CSMD1: variants seen among roughly 807,000 people sequenced by gnomAD.
CSMD1 encodes CUB and Sushi multiple domains 1.
In CSMD1, 213 loss-of-function variants were observed where a neutral mutation model predicts 417.5. The observed-to-expected ratio is 0.51, with a 90% CI of 0.46 to 0.57. The LOEUF (loss-of-function observed/expected upper bound fraction) is 0.57. Among genes scored for constraint, CSMD1 ranks in the 20% least tolerant of loss-of-function variants. The pLI, the probability that CSMD1 is intolerant of heterozygous loss-of-function variation, is 0.00. For synonymous variants in CSMD1, 2,862 were observed against 1,736.8 expected, an observed-to-expected ratio of 1.65 and a Z score of -16.11; for missense variants, 6,923 against 4,529.7, an observed-to-expected ratio of 1.53 and a Z score of -15.17.
intron 5 of CSMD1, among the ~76,000 whole-genome samples, chr8:3,868,621 G>T (rs2129110617): frequency 6.6e-6 from 1 of 152,266 alleles, no homozygotes; most frequent in South Asian, 2.1e-4. Context: ...AACCTCACAT[G>T]CATATAAACA....
chr8:3,502,555 T>C (rs1239103646), intron 10 of CSMD1, among the ~76,000 whole-genome samples: 1 of 151,986 alleles, frequency 6.6e-6, no homozygotes, highest in Non-Finnish European at 1.5e-5. Context: ...TGTCAAGCCA[T>C]GAGAAAACAT....
At chr8:4,909,861 T>C (rs1805546832) in intron 1 of CSMD1, among the ~76,000 whole-genome samples, 1 of 152,214 alleles carries the variant, frequency 6.6e-6, no homozygotes, top group Non-Finnish European at 1.5e-5. Flanking sequence ...TCTGATGGGT[T>C]CAGAGAAGTC....
chr8:4,507,675 G>A (rs1044732531), intron 2 of CSMD1, among the ~76,000 whole-genome samples: 2 of 152,126 alleles, frequency 1.3e-5, no homozygotes, highest in African/African-American at 2.4e-5. Flanking sequence ...GCAAGGCAAT[G>A]GAAGATACAT....
intron 7 of CSMD1, among the ~76,000 whole-genome samples, chr8:3,634,650 T>C (rs562073632): frequency 4.6e-5 from 7 of 152,254 alleles, no homozygotes; most frequent in Non-Finnish European, 8.8e-5. Flanking sequence ...AGAGTGGTAC[T>C]GGGGACACCT....
intron 38 of CSMD1, among the ~76,000 whole-genome samples, chr8:3,161,259 A>G (rs186283335): frequency 3.5e-4 from 53 of 152,298 alleles, no homozygotes; most frequent in African/African-American, 1.2e-3. Flanking sequence ...ATAATAAATA[A>G]TAAGAGAAAA....
At chr8:4,327,225 T>C (rs1266888231) in intron 3 of CSMD1, among the ~76,000 whole-genome samples, 2 of 152,230 alleles carry the variant, frequency 1.3e-5, no homozygotes, top group Non-Finnish European at 2.9e-5. Flanking sequence ...ATGATATAGC[T>C]TAGTTTTCAT....
intron 3 of CSMD1, among the ~76,000 whole-genome samples, chr8:4,131,038 G>C (rs1339996580): frequency 1.3e-5 from 2 of 152,136 alleles, no homozygotes; most frequent in East Asian, 3.9e-4. Context: ...GCTCAAGCGT[G>C]ATTGGATTTG....
chr8:4,575,439 T>G (rs775817212), intron 2 of CSMD1, among the ~76,000 whole-genome samples: 51 of 152,002 alleles, frequency 3.4e-4, no homozygotes, highest in Non-Finnish European at 7.3e-4. Flanking sequence ...ATTGTCTGTG[T>G]AACATCCGGC....
At chr8:4,951,917 GA>G (rs1307545145) in intron 1 of CSMD1, among the ~76,000 whole-genome samples, 126 of 150,428 alleles carry the variant, frequency 8.4e-4, no homozygotes, top group Non-Finnish European at 1.5e-3. Flanking sequence ...TATATATTTA[GA>G]AAAAAAAATT....
intron 1 of CSMD1, among the ~76,000 whole-genome samples, chr8:4,939,388 G>C (rs149705982): frequency 1.3e-5 from 2 of 152,274 alleles, no homozygotes; most frequent in African/African-American, 4.8e-5. Flanking sequence ...CCAAGCTATG[G>C]AAACAACCTC....
intron 41 of CSMD1, chr8:3,127,321 G>C (rs1317553083): frequency 6.6e-6 from 1 of 152,190 alleles, no homozygotes; most frequent in Non-Finnish European, 1.5e-5. Context: ...CCCTTGCCCT[G>C]TTCCCCTAAT....
At chr8:3,323,067 A>G (rs1300434998) in intron 23 of CSMD1, among the ~76,000 whole-genome samples, 1 of 152,140 alleles carries the variant, frequency 6.6e-6, no homozygotes, top group Non-Finnish European at 1.5e-5. Context: ...TGTCCTATAA[A>G]TTATGCAGTT....
rs149949379 is a variant in CSMD1, at chr8:3,833,652, G to C, written c.819-79610C>G. 6.5e-3 allele frequency among the ~76,000 whole-genome samples: 995 copies of C among 152,116 alleles called. 13 individuals are homozygous for C. The highest frequency in any genetic ancestry group is 0.023 in the African/African-American group (949 of 41,512). On this transcript the variant is annotated intron_variant, in intron 5 of 69. Coordinates refer to ENST00000635120, the MANE Select transcript of CSMD1 (RefSeq NM_033225.6). ...AAGTGTCTCTCACAGGATGGTGTTT[G>C]TATGGGACAACTTTAAAAATAAATT...
At position 4,964,345 on chromosome 8, in the gene CSMD1, T is replaced by A. The variant is rs1467199002; in HGVS notation, c.85+29987A>T. ...CAGGGCAGCATGGCAAAATCCCATT[T>A]CTACAAAAAGTACAAGAAAAAAAAT... On this transcript the variant is annotated intron_variant, in intron 1 of 69. Transcript: ENST00000635120. Among the ~76,000 whole-genome samples, 3 of 151,502 alleles carry A rather than the reference T, an allele frequency of 2.0e-5. No homozygotes were observed. In the East Asian group the frequency reaches 5.8e-4, roughly 29 times the overall value.
chr8:4,767,139 G>C (rs75309279), intron 1 of CSMD1, among the ~76,000 whole-genome samples: 1,560 of 152,188 alleles, frequency 0.01, 11 homozygotes, highest in East Asian at 0.051. Flanking sequence ...CGATGCAGTG[G>C]GTTAATAACA....
At chr8:4,163,647 G>A (rs745605294) in intron 3 of CSMD1, among the ~76,000 whole-genome samples, 1 of 152,070 alleles carries the variant, frequency 6.6e-6, no homozygotes, top group Non-Finnish European at 1.5e-5. Context: ...GGTAAGTGGA[G>A]TAAAATTCAA....
intron 1 of CSMD1, among the ~76,000 whole-genome samples, chr8:4,701,075 A>C (rs773329230): frequency 3.9e-5 from 6 of 152,150 alleles, no homozygotes; most frequent in Non-Finnish European, 7.3e-5. Context: ...GATGAGTTTT[A>C]TTGAAATTAA....
chr8:3,492,540 A>C (rs9314494), intron 11 of CSMD1, among the ~76,000 whole-genome samples: 12,365 of 150,854 alleles, frequency 0.082, 522 homozygotes, highest in African/African-American at 0.11. Context: ...AAAGGCAGAT[A>C]AGAGCAGGTA....
intron 1 of CSMD1, among the ~76,000 whole-genome samples, chr8:4,697,810 G>A (rs1807237713): frequency 6.6e-6 from 1 of 152,116 alleles, no homozygotes; most frequent in Admixed American, 6.6e-5. Context: ...CATTCTGTAA[G>A]CCATAAACAC....
Sources: gnomAD v4.1 joint callset for allele counts (sites outside exome capture counted in the v4.1 genomes callset) on GRCh38, gnomAD v4.1.1 for gene constraint, MANE v1.5 for transcripts, NCBI Gene and HGNC (gene_info 2026-07-23, HGNC 2026-07-21) for gene names.